The following TRAPPC9 variants were observed in gnomAD, a reference collection of about 807,000 sequenced individuals.
The protein encoded by TRAPPC9 is trafficking protein particle complex subunit 9, also known as IKK2 binding protein.
A neutral mutation model predicts 124.0 loss-of-function variants in TRAPPC9; 83 were observed. That is an observed-to-expected ratio of 0.67 (90% CI 0.56 to 0.80). The LOEUF is 0.80. Among genes scored for constraint, TRAPPC9 ranks in the 30% least tolerant of loss-of-function variants. The pLI is 0.00. For missense variants in TRAPPC9, 1,302 were observed against 1,508.3 expected, an observed-to-expected ratio of 0.86 and a Z score of 2.27; for synonymous variants, 638 against 617.5, an observed-to-expected ratio of 1.03 and a Z score of -0.49.
chr8:140,013,803 A>C (rs1156635271), intron 18 of TRAPPC9, among the ~76,000 whole-genome samples: 1 of 152,212 alleles, frequency 6.6e-6, no homozygotes, highest in Non-Finnish European at 1.5e-5. Context: ...CAGACACTTT[A>C]TAACACACAG....
rs150293821 is a variant in TRAPPC9 at position 140,328,394 on chromosome 8, T to C, written c.1496-17020A>G. On this transcript the variant is annotated intron_variant, in intron 9 of 22. Transcript: ENST00000438773. ...ATGATCAATCGTTGAGGCATGGTTATGTGTCAGATGTGGTGTAAGGTCCTG... is the reference window on the plus strand; with the variant it reads ...ATGATCAATCGTTGAGGCATGGTTACGTGTCAGATGTGGTGTAAGGTCCTG... 4.4e-4 allele frequency among the ~76,000 whole-genome samples: 67 copies of C among 152,322 alleles called. 1 individual carries two copies. In the East Asian group the frequency reaches 0.012, roughly 28 times the overall value.
At chr8:139,927,309 G>C (rs1432629102) in intron 19 of TRAPPC9, among the ~76,000 whole-genome samples, 1 of 151,932 alleles carries the variant, frequency 6.6e-6, no homozygotes, top group Non-Finnish European at 1.5e-5. Context: ...TGGTGGCACA[G>C]CCATAGCTCA....
At chr8:140,428,999 G>A (rs914652133) in intron 4 of TRAPPC9, among the ~76,000 whole-genome samples, 6 of 152,048 alleles carry the variant, frequency 3.9e-5, no homozygotes, top group African/African-American at 1.4e-4. Context: ...TAGATATGCT[G>A]ATACCTCTAA....
At chr8:140,338,615 G>A (rs1312291548) in intron 9 of TRAPPC9, among the ~76,000 whole-genome samples, 4 of 152,234 alleles carry the variant, frequency 2.6e-5, no homozygotes, top group Non-Finnish European at 5.9e-5. Flanking sequence ...TGAACCCTAA[G>A]CTAATATGAC....
In TRAPPC9 at chr8:140,104,292, C is replaced by G. The variant is rs141187940; in HGVS notation, c.2557-80213G>C. On this transcript the variant is annotated intron_variant, in intron 17 of 22. Coordinates refer to ENST00000438773, the MANE Select transcript of TRAPPC9 (RefSeq NM_001160372.4). The surrounding 1 kb of genome is among the most constrained non-coding windows in gnomAD (Gnocchi z 4.0). ...CCTGAACGGAACCAGGAGGGCTCCC[C>G]GCTCTGCAATGGGTCTTGAAGAACG... Among the ~76,000 whole-genome samples the G allele has an allele frequency of 6.7e-4, 102 of 152,224 alleles. No individual in the cohort carries two copies. Among genetic ancestry groups the G allele is most frequent in the African/African-American group, 2.3e-3 (96 of 41,530 alleles).
intron 19 of TRAPPC9, among the ~76,000 whole-genome samples, chr8:139,920,073 C>T (rs889740751): frequency 5.9e-5 from 9 of 152,226 alleles, no homozygotes; most frequent in African/African-American, 1.4e-4. Flanking sequence ...CACTGGGGCG[C>T]GGTGGCTCAC....
At chr8:140,342,030 G>A (rs1265275306) in intron 9 of TRAPPC9, among the ~76,000 whole-genome samples, 1 of 152,242 alleles carries the variant, frequency 6.6e-6, no homozygotes, top group East Asian at 1.9e-4. Context: ...GGAAAGAAAG[G>A]GCGGATCTGG....
chr8:140,405,449 G>C (rs1255570481), intron 6 of TRAPPC9, 128 bp downstream of exon 6: 2 of 1,027,382 alleles, frequency 1.9e-6, no homozygotes, highest in East Asian at 2.6e-5. Flanking sequence ...CTATGCATTA[G>C]AGAGCAAGAC....
intron 18 of TRAPPC9, among the ~76,000 whole-genome samples, chr8:140,012,349 CA>C (rs1839194210): frequency 6.6e-6 from 1 of 152,186 alleles, no homozygotes; most frequent in African/African-American, 2.4e-5. Flanking sequence ...ATGTCCCTAT[CA>C]CGTGCCAGTC....
intron 17 of TRAPPC9, among the ~76,000 whole-genome samples, chr8:140,190,416 C>T (rs1282086483): frequency 6.6e-6 from 1 of 152,168 alleles, no homozygotes; most frequent in African/African-American, 2.4e-5. Flanking sequence ...CAAGATTGTG[C>T]CACTGTACTC....
intron 21 of TRAPPC9, among the ~76,000 whole-genome samples, chr8:139,737,695 C>T (rs556675864): frequency 6.6e-6 from 1 of 152,210 alleles, no homozygotes; most frequent in Non-Finnish European, 1.5e-5. Context: ...AGCACAGGCC[C>T]AGGCTCCTGA....
intron 17 of TRAPPC9, among the ~76,000 whole-genome samples, chr8:140,174,913 T>C (rs1046400782): frequency 2.0e-5 from 3 of 152,178 alleles, no homozygotes; most frequent in African/African-American, 7.2e-5. Flanking sequence ...TCAGTTCTCT[T>C]GAGTATAGAC....
intron 5 of TRAPPC9, among the ~76,000 whole-genome samples, chr8:140,419,448 A>AAAAAAAAAAAAAAAAAAAC (rs1554683879): frequency 1.1e-5 from 1 of 94,814 alleles, no homozygotes; most frequent in East Asian, 3.1e-4. Context: ...AAAAAAAAAA[A>AAAAAAAAAAAAAAAAAAAC]AAAACAAAAC....
At chr8:140,211,857 C>T (rs1470783610) in intron 17 of TRAPPC9, among the ~76,000 whole-genome samples, 3 of 152,128 alleles carry the variant, frequency 2.0e-5, no homozygotes, top group African/African-American at 4.8e-5. Context: ...CCCATGGCCA[C>T]GAGGCGCTTA....
At chr8:140,017,244 T>C (rs1245653355) in intron 18 of TRAPPC9, among the ~76,000 whole-genome samples, 3 of 152,238 alleles carry the variant, frequency 2.0e-5, no homozygotes, top group South Asian at 4.1e-4. Context: ...ATTTGTCCTA[T>C]CAAGTCTTAG....
chr8:139,738,991 C>T (rs1250292468), intron 21 of TRAPPC9, among the ~76,000 whole-genome samples: 6 of 152,298 alleles, frequency 3.9e-5, no homozygotes, highest in Admixed American at 3.3e-4. Flanking sequence ...GGCTCCTGCC[C>T]GCCCCCAGCT....
At chr8:139,811,662 T>C (rs1824452210) in intron 21 of TRAPPC9, among the ~76,000 whole-genome samples, 1 of 152,228 alleles carries the variant, frequency 6.6e-6, no homozygotes, top group Non-Finnish European at 1.5e-5. Flanking sequence ...TTTTTAAAGC[T>C]ATATATTTTT....
intron 17 of TRAPPC9, among the ~76,000 whole-genome samples, chr8:140,033,871 A>G (rs4269518): frequency 0.74 from 111,549 of 151,430 alleles, 41,527 homozygotes; most frequent in Middle Eastern, 0.85. Flanking sequence ...TAGTAGAGAC[A>G]GGGTTTCACC....
In TRAPPC9 at chr8:140,306,449, C is replaced by T. The variant is rs903320345; in HGVS notation, c.1622+4799G>A. Reference sequence around the variant, plus strand: ...CGGAGGTTGCAGTGAGCCTAGACTGCGCCACTGCACTCCAGCCTCAGCATC... The same window carrying T: ...CGGAGGTTGCAGTGAGCCTAGACTGTGCCACTGCACTCCAGCCTCAGCATC... On this transcript the variant is annotated intron_variant, in intron 10 of 22. Coordinates refer to ENST00000438773, the MANE Select transcript of TRAPPC9 (RefSeq NM_001160372.4). 5.4e-5 allele frequency among the ~76,000 whole-genome samples: 8 copies of T among 148,402 alleles called. No individual in the cohort carries two copies. The East Asian group carries it at 6.0e-4, about 11-fold the overall frequency.
Sources: gnomAD v4.1 joint callset for allele counts (sites outside exome capture counted in the v4.1 genomes callset) on GRCh38, gnomAD v4.1.1 for gene constraint, Gnocchi (gnomAD v3.1) non-coding constraint, MANE v1.5 for transcripts, NCBI Gene and HGNC (gene_info 2026-07-23, HGNC 2026-07-21) for gene names.